CSNK1G1: variants seen among roughly 807,000 people sequenced by gnomAD.
CSNK1G1 encodes the protein casein kinase 1 gamma 1.
CSNK1G1 carries 22 observed loss-of-function variants against 59.6 expected under a neutral mutation model. The observed-to-expected ratio is 0.37, with a 90% CI of 0.26 to 0.53. The LOEUF is 0.53. Among genes scored for constraint, CSNK1G1 ranks in the 20% least tolerant of loss-of-function variants. CSNK1G1 has a pLI of 0.89. For missense variants in CSNK1G1, 384 were observed against 519.5 expected (o/e 0.74, Z 2.54); for synonymous variants, 179 against 177.1 (o/e 1.01, Z -0.08).
In CSNK1G1 at chr15:64,176,196, T is replaced by G. The variant is rs1403560587; in HGVS notation, c.1214+4152A>C. The G allele has an allele frequency of 2.5e-6, 1 of 398,642 alleles. No homozygotes were observed. The highest frequency in any genetic ancestry group is 3.6e-5 in the East Asian group (1 of 28,100). The allele number at this position is 398,642 out of a possible 1,614,324, so 24.7% of individuals were successfully genotyped here. ...TTTAATGTTCCTAAGGCATTTTGTT[T>G]GGCTTTGCCAGTCCCAGCCTAGTCT... On this transcript the variant is annotated intron_variant, in intron 11 of 11. Coordinates refer to ENST00000303052, the MANE Select transcript of CSNK1G1 (RefSeq NM_022048.5). This position sits in a 1 kb window ranked among gnomAD's most constrained non-coding sequence, Gnocchi z 5.2.
At chr15:64,303,253 CAAAA>C (rs1205938122) in intron 1 of CSNK1G1, among the ~76,000 whole-genome samples, 1 of 106,904 alleles carries the variant, frequency 9.4e-6, no homozygotes, top group Non-Finnish European at 2.0e-5. Flanking sequence ...AAAAAAAAAA[CAAAA>C]AAAAAATTAA....
intron 3 of CSNK1G1, 76 bp from the exon 4 acceptor site, chr15:64,251,657 C>T (rs917901176): frequency 2.1e-5 from 21 of 1,022,006 alleles, no homozygotes; most frequent in Admixed American, 5.5e-5. Flanking sequence ...TTGGAGTAAA[C>T]GAGGGCTAAG....
chr15:64,239,033 G>A (rs760788108), intron 4 of CSNK1G1, among the ~76,000 whole-genome samples: 1 of 152,144 alleles, frequency 6.6e-6, no homozygotes, highest in Non-Finnish European at 1.5e-5. Context: ...ATTTATTCCT[G>A]ATGTTTAATG....
At chr15:64,267,256 CAA>C (rs199581105) in intron 2 of CSNK1G1, among the ~76,000 whole-genome samples, 24 of 61,822 alleles carry the variant, frequency 3.9e-4, no homozygotes, top group Non-Finnish European at 4.4e-4. Context: ...GACCTTATCT[CAA>C]AAAAAAAAAA....
chr15:64,332,126 G>A (rs1897140884), intron 1 of CSNK1G1, among the ~76,000 whole-genome samples: 3 of 126,476 alleles, frequency 2.4e-5, no homozygotes, highest in African/African-American at 9.0e-5. Flanking sequence ...CGATTCCTCA[G>A]GGATCTAGAA....
chr15:64,246,639 AG>A (rs35838047), intron 4 of CSNK1G1, among the ~76,000 whole-genome samples: 44,681 of 88,702 alleles, frequency 0.5, 8,526 homozygotes, highest in East Asian at 0.79. Flanking sequence ...AAAAAAAAAA[AG>A]GGGGGGGGGG....
At chr15:64,218,852 GTTTT>G (rs11364699) in intron 4 of CSNK1G1, among the ~76,000 whole-genome samples, 9 of 114,088 alleles carry the variant, frequency 7.9e-5, no homozygotes, top group Admixed American at 9.0e-5. Context: ...AATTTGAAGT[GTTTT>G]TTTTTTTTTT....
At chr15:64,173,099 TC>T (rs1475761244) in intron 11 of CSNK1G1, among the ~76,000 whole-genome samples, 2 of 152,296 alleles carry the variant, frequency 1.3e-5, no homozygotes, top group Middle Eastern at 3.4e-3. Context: ...AGAAAACTTT[TC>T]TGAAAAAACT....
intron 3 of CSNK1G1, among the ~76,000 whole-genome samples, chr15:64,257,528 T>C (rs1892447211): frequency 6.6e-6 from 1 of 152,166 alleles, no homozygotes; most frequent in Admixed American, 6.5e-5. Flanking sequence ...TGGTTAATAT[T>C]ATTTTTTTGA....
intron 4 of CSNK1G1, among the ~76,000 whole-genome samples, chr15:64,219,758 T>G (rs557603335): frequency 1.3e-5 from 2 of 151,304 alleles, no homozygotes; most frequent in South Asian, 4.2e-4. Flanking sequence ...CCCTTCTTTT[T>G]TTCTTTTTCT....
chr15:64,272,424 A>G (rs1893368032), intron 2 of CSNK1G1, among the ~76,000 whole-genome samples: 1 of 151,876 alleles, frequency 6.6e-6, no homozygotes, highest in South Asian at 2.1e-4. Context: ...TCACCGTGTT[A>G]GCCAGGATGG....
At position 64,269,685 on chromosome 15, in the gene CSNK1G1, G is replaced by C. The variant is rs959201164; in HGVS notation, c.182-10444C>G. 7.9e-5 allele frequency among the ~76,000 whole-genome samples: 12 copies of C among 152,012 alleles called. No individual in the cohort carries two copies. The South Asian group carries it at 2.5e-3, about 32-fold the overall frequency. ...ATTTTTGTATTTTTAGCAGAGACAG[G>C]GTTTTGCCATGTTGGCCAGACTGGT... On this transcript the variant is annotated intron_variant, in intron 2 of 11. Transcript: ENST00000303052.
Position 64,168,236 on chromosome 15 carries a change from A to C in CSNK1G1, c.*3695T>G, listed in dbSNP as rs1378093930. Reference sequence around the variant, plus strand: ...GGAAGCTAATCTTGTACCTTCCTAGACCCTGTTTATTGCTGGACAGGCTCC... The same window carrying C: ...GGAAGCTAATCTTGTACCTTCCTAGCCCCTGTTTATTGCTGGACAGGCTCC... On this transcript the variant is annotated 3_prime_UTR_variant, in exon 12 of 12. Transcript: ENST00000303052. The C allele has an allele frequency of 1.3e-5, 2 of 152,600 alleles. No homozygotes were observed. Among genetic ancestry groups the C allele is most frequent in the Non-Finnish European group, 2.9e-5 (2 of 68,040 alleles). 9.5% of individuals were successfully genotyped at this position (152,600 alleles called of 1,614,324 possible). A position where few individuals can be genotyped will look rare whatever the true frequency, so the allele number is the denominator to read the frequency against.
At chr15:64,179,791 C>A (rs923537643) in intron 11 of CSNK1G1, among the ~76,000 whole-genome samples, 1 of 152,186 alleles carries the variant, frequency 6.6e-6, no homozygotes, top group African/African-American at 2.4e-5. Flanking sequence ...GTGGGGCAAC[C>A]TCCTTACCCT....
At chr15:64,278,372 A>ATGTGTGTG (rs1893884086) in intron 2 of CSNK1G1, among the ~76,000 whole-genome samples, 1 of 119,036 alleles carries the variant, frequency 8.4e-6, no homozygotes, top group Non-Finnish European at 1.8e-5. Flanking sequence ...ATATGCATGT[A>ATGTGTGTG]TGTGCGTGTG....
chr15:64,237,777 C>T (rs1248791371), intron 4 of CSNK1G1, among the ~76,000 whole-genome samples: 1 of 152,142 alleles, frequency 6.6e-6, no homozygotes, highest in Non-Finnish European at 1.5e-5. Flanking sequence ...TTTACAGTTG[C>T]CTAGATTCAA....
chr15:64,168,320 C>T lies in CSNK1G1; in HGVS notation c.*3611G>A, dbSNP rs1393885711. 1 of 152,624 alleles carries T rather than the reference C, an allele frequency of 6.6e-6. No individual in the cohort carries two copies. The highest frequency in any genetic ancestry group is 1.5e-5 in the Non-Finnish European group (1 of 68,042). The allele number at this position is 152,624 out of a possible 1,614,324, so 9.5% of individuals were successfully genotyped here. A position where few individuals can be genotyped will look rare whatever the true frequency, so the allele number is the denominator to read the frequency against. The stretch of plus-strand genomic sequence containing the variant: ...TGAGTGCACACTGGCTGTCAGGATA[C>T]TCTATCCACCCTTGGGGGCAGTCTG... On this transcript the variant is annotated 3_prime_UTR_variant, in exon 12 of 12. Transcript: ENST00000303052.
intron 10 of CSNK1G1, among the ~76,000 whole-genome samples, chr15:64,182,364 T>A (rs2081830935): frequency 6.6e-6 from 1 of 152,186 alleles, no homozygotes. Flanking sequence ...CGAGCCACTG[T>A]GCCCGGCCTC....
intron 3 of CSNK1G1, 50 bp downstream of exon 3, chr15:64,259,151 A>G (rs1203744266): frequency 6.9e-7 from 1 of 1,454,910 alleles, no homozygotes; most frequent in Non-Finnish European, 9.4e-7. Context: ...AAAAAGATAT[A>G]AGCAATGGGA....
Sources: allele counts gnomAD v4.1 joint callset (sites outside exome capture counted in the v4.1 genomes callset), GRCh38; gene constraint gnomAD v4.1.1; non-coding constraint Gnocchi (gnomAD v3.1); transcripts MANE v1.5; gene names NCBI Gene and HGNC (gene_info 2026-07-23, HGNC 2026-07-21).